Variants in ZBBX observed in about 807,000 individuals in gnomAD.
The protein encoded by ZBBX is zinc finger B-box domain containing, also known as zinc finger B-box domain-containing protein 1.
Under a neutral mutation model 108.5 loss-of-function variants are expected in ZBBX, and 101 were observed. That is an observed-to-expected ratio of 0.93 (90% CI 0.79 to 1.10). The LOEUF is 1.10. ZBBX is among the 50% of genes least tolerant of loss of function. The pLI is 0.00. For missense variants in ZBBX, 1,009 were observed against 941.4 expected, an observed-to-expected ratio of 1.07 and a Z score of -0.94; for synonymous variants, 356 against 323.4, an observed-to-expected ratio of 1.10 and a Z score of -1.08.
chr3:167,243,308 T>A (rs1450993760), intron 20 of ZBBX, among the ~76,000 whole-genome samples: 2 of 152,226 alleles, frequency 1.3e-5, no homozygotes, highest in Non-Finnish European at 2.9e-5. Flanking sequence ...GCCTTCTTTT[T>A]TCACTGCTGA....
At chr3:167,347,401 C>T (rs144771931) in intron 9 of ZBBX, among the ~76,000 whole-genome samples, 2,093 of 151,820 alleles carry the variant, frequency 0.014, 25 homozygotes, top group South Asian at 0.026. Context: ...TATTATTCAG[C>T]CTTTAAAAAG....
chr3:167,366,578 C>A (rs1745352780), intron 5 of ZBBX, among the ~76,000 whole-genome samples: 1 of 151,712 alleles, frequency 6.6e-6, no homozygotes, highest in Non-Finnish European at 1.5e-5. Context: ...AAAAAGTTGC[C>A]CAACATCACA....
At chr3:167,217,544 A>G in the ZBBX span, among the ~76,000 whole-genome samples, 1 of 152,166 alleles carries the variant, frequency 6.6e-6, no homozygotes, top group African/African-American at 2.4e-5. Context: ...CTTTGTGAAA[A>G]GAAGTATAGT....
intron 16 of ZBBX, among the ~76,000 whole-genome samples, chr3:167,311,562 T>C (rs1734587752): frequency 2.6e-5 from 4 of 151,998 alleles, no homozygotes; most frequent in Admixed American, 6.6e-5. Context: ...ATGCAAAACA[T>C]ACAAAAAACT....
intron 1 of ZBBX, among the ~76,000 whole-genome samples, chr3:167,396,261 C>G (rs1748232998): frequency 6.6e-6 from 1 of 151,998 alleles, no homozygotes; most frequent in Non-Finnish European, 1.5e-5. Context: ...CTACTCCTAC[C>G]TGGGTTCTGT....
rs374641772 is a variant in ZBBX, at chr3:167,372,870, C to A, written c.32G>T (p.Trp11Leu). The A allele has an allele frequency of 7.0e-5, 112 of 1,599,372 alleles. No homozygotes were observed. The highest frequency in any genetic ancestry group is 9.2e-5 in the Non-Finnish European group (108 of 1,171,994). MNRKDFVVLP[W>L]GKPGNSVKLK... is the part of the protein sequence containing the mutation. ...CTTTACAGAATTTCCAGGTTTTCCCCATGGAAGAACTACAAAATCTTTTCT... is the reference window on the plus strand; with the variant it reads ...CTTTACAGAATTTCCAGGTTTTCCCAATGGAAGAACTACAAAATCTTTTCT... The change falls in exon 4 of 22, where the codon TGG (tryptophan) becomes TTG (leucine). Residue 11 changes from tryptophan (W) to leucine (L), a missense_variant. Transcript: ENST00000675490.
At chr3:167,212,439 A>G in the ZBBX span, among the ~76,000 whole-genome samples, 1 of 152,150 alleles carries the variant, frequency 6.6e-6, no homozygotes, top group South Asian at 2.1e-4. Flanking sequence ...TGCCCTTGCC[A>G]TCCTGGGACT....
At chr3:167,181,301 G>GTTGTAATAAATCTCTCCCCCA in the ZBBX span, among the ~76,000 whole-genome samples, 1 of 152,106 alleles carries the variant, frequency 6.6e-6, no homozygotes, top group Non-Finnish European at 1.5e-5. Flanking sequence ...GCTCTCCATT[G>GTTGTAATAAATCTCTCCCCCA]TTGTAATAAA....
At chr3:167,221,718 A>G in the ZBBX span, among the ~76,000 whole-genome samples, 1 of 152,010 alleles carries the variant, frequency 6.6e-6, no homozygotes, top group Admixed American at 6.6e-5. Context: ...CAATCAATAA[A>G]GTAAAAAGCC....
chr3:167,183,710 T>C, the ZBBX span, among the ~76,000 whole-genome samples: 1 of 152,354 alleles, frequency 6.6e-6, no homozygotes, highest in Non-Finnish European at 1.5e-5. Flanking sequence ...CATGCTATTG[T>C]TTGTGGTTCA....
At chr3:167,184,918 C>A in the ZBBX span, among the ~76,000 whole-genome samples, 3 of 152,142 alleles carry the variant, frequency 2.0e-5, no homozygotes, top group Admixed American at 2.0e-4. Context: ...GTCAACAATA[C>A]TGTTTGTGGT....
the ZBBX span, among the ~76,000 whole-genome samples, chr3:167,186,272 T>C: frequency 1.1e-4 from 17 of 152,208 alleles, no homozygotes; most frequent in African/African-American, 3.8e-4. Context: ...TGAAGCATGG[T>C]CTATCCATGC....
chr3:167,260,198 T>G (rs980860251), intron 20 of ZBBX, among the ~76,000 whole-genome samples: 1 of 152,222 alleles, frequency 6.6e-6, no homozygotes, highest in Non-Finnish European at 1.5e-5. Flanking sequence ...TGCTGAGAAA[T>G]CTGCTGTTAA....
chr3:167,294,960 A>T (rs1051703133), intron 18 of ZBBX, among the ~76,000 whole-genome samples: 1 of 152,250 alleles, frequency 6.6e-6, no homozygotes, highest in Non-Finnish European at 1.5e-5. Flanking sequence ...ATCACTGGTC[A>T]TTAGAGAAAT....
chr3:167,180,689 T>C, the ZBBX span, among the ~76,000 whole-genome samples: 9 of 152,222 alleles, frequency 5.9e-5, no homozygotes, highest in Non-Finnish European at 1.2e-4. Context: ...GGCAACACTT[T>C]CCAATGAAAA....
chr3:167,343,812 G>A (rs959546662), intron 9 of ZBBX, among the ~76,000 whole-genome samples: 4 of 151,864 alleles, frequency 2.6e-5, no homozygotes, highest in African/African-American at 9.7e-5. Flanking sequence ...CAGTCTTGCA[G>A]TTCCTCAAAC....
chr3:167,201,649 C>A, the ZBBX span, among the ~76,000 whole-genome samples: 1 of 152,018 alleles, frequency 6.6e-6, no homozygotes, highest in Non-Finnish European at 1.5e-5. Context: ...ATGTAAATCA[C>A]CAATTTCTAG....
chr3:167,179,487 T>C, the ZBBX span, among the ~76,000 whole-genome samples: 129 of 152,366 alleles, frequency 8.5e-4, no homozygotes, highest in Middle Eastern at 3.4e-3. Flanking sequence ...ATGTGAGTGA[T>C]GTAAAAAGGG....
chr3:167,362,578 T>C, intron 6 of ZBBX, among the ~76,000 whole-genome samples: 1 of 152,142 alleles, frequency 6.6e-6, no homozygotes, highest in East Asian at 1.9e-4. Flanking sequence ...TGCCATTCCG[T>C]GGATCTTCTA....
Sources: gnomAD v4.1 joint callset for allele counts (sites outside exome capture counted in the v4.1 genomes callset) on GRCh38, gnomAD v4.1.1 for gene constraint, MANE v1.5 for transcripts, NCBI Gene and HGNC (gene_info 2026-07-23, HGNC 2026-07-21) for gene names.